Variants in NKAIN3 observed in about 807,000 individuals in gnomAD.
NKAIN3 encodes sodium/potassium-transporting ATPase subunit beta-1-interacting protein 3.
A neutral mutation model predicts 30.2 loss-of-function variants in NKAIN3; 25 were observed. The observed-to-expected ratio is 0.83, with a 90% confidence interval of 0.60 to 1.16. The LOEUF is 1.16. Among genes scored for constraint, NKAIN3 ranks in the 50% most tolerant of loss-of-function variants. The pLI is 0.00. For missense variants in NKAIN3, 225 were observed against 254.1 expected (o/e 0.89, Z 0.78); for synonymous variants, 91 against 89.6 (o/e 1.02, Z -0.09).
intron 1 of NKAIN3, among the ~76,000 whole-genome samples, chr8:62,354,837 G>T (rs115833969): frequency 3.3e-5 from 5 of 152,170 alleles, no homozygotes; most frequent in Non-Finnish European, 7.3e-5. Flanking sequence ...CATAAAGAAG[G>T]CTCCCTGATA....
intron 5 of NKAIN3, among the ~76,000 whole-genome samples, chr8:62,946,972 G>A (rs1823142293): frequency 6.6e-6 from 1 of 152,148 alleles, no homozygotes; most frequent in Non-Finnish European, 1.5e-5. Flanking sequence ...GTTAAACCTG[G>A]GACATAAATG....
chr8:62,974,261 G>A lies in NKAIN3; in HGVS notation c.*8854G>A, dbSNP rs961912183. 3.3e-5 allele frequency among the ~76,000 whole-genome samples: 5 copies of A among 151,238 alleles called. No individual in the cohort carries two copies. The highest frequency in any genetic ancestry group is 2.1e-4 in the South Asian group (1 of 4,816). On this transcript the variant is annotated 3_prime_UTR_variant, in exon 7 of 7. Transcript: ENST00000623646. ...TCTATAAATTACTTTGGGCAGTATG[G>A]CCATTTTTACAATATTGATTCTTCC...
chr8:62,250,153 A>C (rs1812053909), intron 1 of NKAIN3, among the ~76,000 whole-genome samples: 1 of 152,212 alleles, frequency 6.6e-6, no homozygotes, highest in Non-Finnish European at 1.5e-5. Context: ...TTTACTTAGT[A>C]ATGTCATCCC....
In NKAIN3 at chr8:62,801,710, G is replaced by A. The variant is rs187076311; in HGVS notation, c.471+54581G>A. On this transcript the variant is annotated intron_variant, in intron 4 of 6. Coordinates refer to ENST00000623646, the MANE Select transcript of NKAIN3 (RefSeq NM_001304533.3). ...AACTGGGAACTCTAAAGAGCAGAGC[G>A]CCTCTCCTCCTCCAAAGGAACGCAG... 6.2e-3 allele frequency among the ~76,000 whole-genome samples: 939 copies of A among 152,298 alleles called. 10 individuals are homozygous for A. The highest frequency in any genetic ancestry group is 0.021 in the African/African-American group (866 of 41,558).
intron 1 of NKAIN3, among the ~76,000 whole-genome samples, chr8:62,457,198 A>G (rs1031647263): frequency 6.6e-6 from 1 of 152,232 alleles, no homozygotes; most frequent in Non-Finnish European, 1.5e-5. Context: ...GGTGGGGGAT[A>G]TAAACGTCAT....
At chr8:62,651,089 A>T (rs191528668) in intron 3 of NKAIN3, among the ~76,000 whole-genome samples, 2 of 151,928 alleles carry the variant, frequency 1.3e-5, no homozygotes, top group African/African-American at 4.8e-5. Flanking sequence ...CTTGAGTATA[A>T]TTTTTATTTC....
intron 1 of NKAIN3, among the ~76,000 whole-genome samples, chr8:62,444,463 T>C (rs1805422609): frequency 6.6e-6 from 1 of 152,160 alleles, no homozygotes. Context: ...AGCTTCCACC[T>C]GTGACTGAGA....
intron 4 of NKAIN3, among the ~76,000 whole-genome samples, chr8:62,866,009 T>G (rs1280742248): frequency 6.6e-6 from 1 of 152,178 alleles, no homozygotes; most frequent in African/African-American, 2.4e-5. Flanking sequence ...TATGTGGCAC[T>G]TTAAAGGAAG....
Position 62,809,586 on chromosome 8 carries a change from G to A in NKAIN3, c.471+62457G>A, listed in dbSNP as rs1286176974. On this transcript the variant is annotated intron_variant, in intron 4 of 6. Transcript: ENST00000623646. ...AAAATACTTGACTCACAGTTTCATAGGAAAACAATTGTATAGGTTCTTAAG... is the reference window on the plus strand; with the variant it reads ...AAAATACTTGACTCACAGTTTCATAAGAAAACAATTGTATAGGTTCTTAAG... Among the ~76,000 whole-genome samples, 3 of 152,070 alleles carry A rather than the reference G, an allele frequency of 2.0e-5. No individual in the cohort carries two copies. The East Asian group carries it at 5.8e-4, about 29-fold the overall frequency.
At chr8:62,294,040 C>G (rs1184891497) in intron 1 of NKAIN3, among the ~76,000 whole-genome samples, 1 of 152,178 alleles carries the variant, frequency 6.6e-6, no homozygotes, top group Non-Finnish European at 1.5e-5. Context: ...TCGAGTCAGG[C>G]ACGGGATGCA....
intron 1 of NKAIN3, among the ~76,000 whole-genome samples, chr8:62,337,114 G>A (rs539369164): frequency 3.3e-5 from 5 of 152,138 alleles, no homozygotes; most frequent in South Asian, 2.1e-4. Flanking sequence ...TCACATGGAC[G>A]CTTAGGCCCC....
intron 4 of NKAIN3, among the ~76,000 whole-genome samples, chr8:62,816,777 G>T (rs991690650): frequency 6.6e-6 from 1 of 152,098 alleles, no homozygotes; most frequent in African/African-American, 2.4e-5. Flanking sequence ...TGAGCCCCAC[G>T]GCAGGATGCA....
chr8:62,323,925 G>A (rs1425323602), intron 1 of NKAIN3, among the ~76,000 whole-genome samples: 1 of 151,972 alleles, frequency 6.6e-6, no homozygotes, highest in East Asian at 1.9e-4. Context: ...ACAATAAAAC[G>A]ATTAGTGGTT....
intron 6 of NKAIN3, among the ~76,000 whole-genome samples, chr8:62,961,538 A>G (rs1408563634): frequency 6.6e-6 from 1 of 152,218 alleles, no homozygotes; most frequent in Non-Finnish European, 1.5e-5. Flanking sequence ...ATTTAAAGAG[A>G]CACAATAGTC....
chr8:62,742,666 C>T (rs1177302312), intron 3 of NKAIN3, among the ~76,000 whole-genome samples: 3 of 152,204 alleles, frequency 2.0e-5, no homozygotes, highest in Non-Finnish European at 4.4e-5. Context: ...TAAATCATCA[C>T]ACAGTAGTCT....
At chr8:62,286,645 C>T (rs2129398798) in intron 1 of NKAIN3, among the ~76,000 whole-genome samples, 1 of 152,192 alleles carries the variant, frequency 6.6e-6, no homozygotes, top group Admixed American at 6.5e-5. Context: ...ATTGTCTGTA[C>T]CATGGCAAGT....
intron 1 of NKAIN3, among the ~76,000 whole-genome samples, chr8:62,363,443 A>G (rs919344490): frequency 6.6e-6 from 1 of 152,152 alleles, no homozygotes; most frequent in African/African-American, 2.4e-5. Flanking sequence ...GACCCTGGAC[A>G]TTCCGCCTTT....
intron 3 of NKAIN3, among the ~76,000 whole-genome samples, chr8:62,701,875 G>T (rs1393833915): frequency 6.6e-6 from 1 of 152,100 alleles, no homozygotes; most frequent in Non-Finnish European, 1.5e-5. Flanking sequence ...TCCAAAGCGC[G>T]AACTCCGGGG....
Position 62,589,712 on chromosome 8 carries a change from A to G in NKAIN3, c.193-2A>G. The G allele has an allele frequency of 6.6e-7, 1 of 1,520,734 alleles. No individual in the cohort carries two copies. Among genetic ancestry groups the G allele is most frequent in the East Asian group, 2.3e-5 (1 of 43,910 alleles). The allele number at this position is 1,520,734 out of a possible 1,614,324, so 94.2% of individuals were successfully genotyped here. ...CTTTCTCCCTCCCCCATTTCTATCT[A>G]GTATACAGTGTGGACTGCCCTCTGG... On this transcript the variant is annotated splice_acceptor_variant, in intron 2 of 6. Transcript: ENST00000623646. LOFTEE classifies it high-confidence loss of function.
Sources: allele counts gnomAD v4.1 joint callset (sites outside exome capture counted in the v4.1 genomes callset), GRCh38; gene constraint gnomAD v4.1.1; transcripts MANE v1.5; gene names NCBI Gene and HGNC (gene_info 2026-07-23, HGNC 2026-07-21).